The following GRM8 variants were observed in gnomAD, a reference collection of about 807,000 sequenced individuals.
The protein encoded by GRM8 is metabotropic glutamate receptor 8.
Under a neutral mutation model 87.2 loss-of-function variants are expected in GRM8, and 47 were observed. That is an observed-to-expected ratio of 0.54 (90% CI 0.43 to 0.69). The LOEUF is 0.69. GRM8 is among the 30% of genes least tolerant of loss of function. The pLI, the probability that GRM8 is intolerant of heterozygous loss-of-function variation, is 0.00. For synonymous variants in GRM8, 396 were observed against 404.5 expected (o/e 0.98, Z 0.25); for missense variants, 1,019 against 1,139.2 (o/e 0.89, Z 1.52).
At chr7:127,096,335 G>T (rs1563503458) in intron 3 of GRM8, among the ~76,000 whole-genome samples, 1 of 152,080 alleles carries the variant, frequency 6.6e-6, no homozygotes, top group Non-Finnish European at 1.5e-5. Flanking sequence ...CAAGGCAGAT[G>T]AATCACTTGA....
At chr7:127,047,060 C>G (rs182198671) in intron 3 of GRM8, among the ~76,000 whole-genome samples, 225 of 152,312 alleles carry the variant, frequency 1.5e-3, no homozygotes, top group African/African-American at 5.0e-3. Context: ...CTACACTGAA[C>G]ATTTAGCAAC....
chr7:127,136,954 A>G (rs1412983466), intron 2 of GRM8, among the ~76,000 whole-genome samples: 1 of 152,122 alleles, frequency 6.6e-6, no homozygotes, highest in African/African-American at 2.4e-5. Context: ...TATTTCTGAA[A>G]AAAAAGAATA....
intron 6 of GRM8, among the ~76,000 whole-genome samples, chr7:126,819,462 G>A (rs1794101296): frequency 6.6e-6 from 1 of 152,012 alleles, no homozygotes; most frequent in Non-Finnish European, 1.5e-5. Flanking sequence ...GCTAAACTAT[G>A]AATTTCATGG....
chr7:126,850,590 G>C (rs1797120455), intron 6 of GRM8, among the ~76,000 whole-genome samples: 1 of 152,286 alleles, frequency 6.6e-6, no homozygotes, highest in Admixed American at 6.5e-5. Flanking sequence ...CCAAGGAAGG[G>C]AAGTTTCACT....
chr7:126,727,748 A>G (rs1049013541), intron 7 of GRM8, among the ~76,000 whole-genome samples: 6 of 147,530 alleles, frequency 4.1e-5, no homozygotes, highest in Non-Finnish European at 8.9e-5. Context: ...CACCCCTAAA[A>G]AAACAAAACT....
At chr7:126,447,881 A>G (rs116330207) in intron 9 of GRM8, among the ~76,000 whole-genome samples, 65 of 152,060 alleles carry the variant, frequency 4.3e-4, no homozygotes, top group African/African-American at 1.6e-3. Flanking sequence ...CTCATTGTTT[A>G]AGTGTGGAAA....
intron 2 of GRM8, among the ~76,000 whole-genome samples, chr7:127,139,496 A>T (rs548083494): frequency 2.6e-4 from 39 of 152,280 alleles, no homozygotes; most frequent in African/African-American, 9.4e-4. Flanking sequence ...TAGATCTATT[A>T]TTTAAAAAGT....
intron 8 of GRM8, among the ~76,000 whole-genome samples, chr7:126,534,356 A>G (rs546785260): frequency 6.6e-6 from 1 of 152,324 alleles, no homozygotes; most frequent in East Asian, 1.9e-4. Flanking sequence ...CACTGCATCA[A>G]TTTTGAAAGG....
intron 9 of GRM8, among the ~76,000 whole-genome samples, chr7:126,477,635 G>GAA: frequency 7.6e-6 from 1 of 131,272 alleles, no homozygotes; most frequent in East Asian, 2.3e-4. Flanking sequence ...AAGAAAGAAA[G>GAA]AAAAAACGAA....
intron 9 of GRM8, among the ~76,000 whole-genome samples, chr7:126,465,559 T>C (rs952995027): frequency 2.0e-5 from 3 of 151,914 alleles, no homozygotes; most frequent in African/African-American, 7.2e-5. Flanking sequence ...TTGTTAGATA[T>C]ATTTTTAGTT....
intron 3 of GRM8, among the ~76,000 whole-genome samples, chr7:126,938,997 T>C (rs1294253705): frequency 1.3e-5 from 2 of 152,290 alleles, no homozygotes; most frequent in Admixed American, 1.3e-4. Context: ...TGAGATAATG[T>C]ACAAAGCACT....
chr7:126,804,736 T>C (rs1050671695), intron 6 of GRM8, among the ~76,000 whole-genome samples: 3 of 152,224 alleles, frequency 2.0e-5, no homozygotes, highest in Non-Finnish European at 4.4e-5. Context: ...GCAACTTGGT[T>C]GTGGTAGTTG....
chr7:127,161,554 CCATGCATACACTTATGTGTGCG>C (rs1407075241), intron 2 of GRM8, among the ~76,000 whole-genome samples: 2 of 152,120 alleles, frequency 1.3e-5, no homozygotes, highest in Non-Finnish European at 2.9e-5. Flanking sequence ...GCATGTGTGT[CCATGCATACACTTATGTGTGCG>C]CATGCATGTG....
intron 9 of GRM8, among the ~76,000 whole-genome samples, chr7:126,495,173 G>A (rs1034490116): frequency 6.6e-6 from 1 of 151,970 alleles, no homozygotes; most frequent in Non-Finnish European, 1.5e-5. Context: ...GAATATGACA[G>A]TCCCATGGCA....
intron 8 of GRM8, among the ~76,000 whole-genome samples, chr7:126,568,193 G>A (rs1045358555): frequency 5.9e-5 from 9 of 152,138 alleles, no homozygotes; most frequent in Admixed American, 5.9e-4. Flanking sequence ...AAGGAAGGAA[G>A]CTTCAGGAGT....
intron 3 of GRM8, among the ~76,000 whole-genome samples, chr7:126,948,055 G>A (rs10234281): frequency 0.36 from 55,238 of 151,926 alleles, 10,277 homozygotes; most frequent in African/African-American, 0.44. Flanking sequence ...TGTAAGATTT[G>A]TCGAACACTT....
At chr7:127,123,390 G>A (rs1187271388) in intron 2 of GRM8, among the ~76,000 whole-genome samples, 1 of 152,066 alleles carries the variant, frequency 6.6e-6, no homozygotes, top group Admixed American at 6.6e-5. Context: ...TTACAAGGTT[G>A]GGGGAGTGAG....
intron 7 of GRM8, among the ~76,000 whole-genome samples, chr7:126,704,189 A>C (rs1254927638): frequency 6.6e-6 from 1 of 152,172 alleles, no homozygotes; most frequent in Admixed American, 6.5e-5. Context: ...GACATTTATT[A>C]GTTCCCCAAA....
intron 3 of GRM8, among the ~76,000 whole-genome samples, chr7:127,006,268 C>T (rs1227437479): frequency 6.6e-6 from 1 of 151,612 alleles, no homozygotes; most frequent in Non-Finnish European, 1.5e-5. Context: ...AAGAACTTTG[C>T]AACTGGAATT....
Sources: gnomAD v4.1 joint callset for allele counts (sites outside exome capture counted in the v4.1 genomes callset) on GRCh38, gnomAD v4.1.1 for gene constraint, MANE v1.5 for transcripts, NCBI Gene and HGNC (gene_info 2026-07-23, HGNC 2026-07-21) for gene names.